Variants in LPCAT1 observed in about 807,000 individuals in gnomAD.
LPCAT1 encodes the protein 1-acylglycerol-3-phosphate O-acyltransferase.
LPCAT1 carries 23 observed loss-of-function variants against 60.9 expected under a neutral mutation model. The observed-to-expected ratio is 0.38, with a 90% CI of 0.27 to 0.53. The LOEUF is 0.53. Ranked by LOEUF, LPCAT1 falls within the 20% of genes least tolerant of loss-of-function variation. The pLI is 0.82. For missense variants in LPCAT1, 622 were observed against 723.6 expected (o/e 0.86, Z 1.61); for synonymous variants, 340 against 301.1 (o/e 1.13, Z -1.34).
rs1425944310 is a variant in LPCAT1, at chr5:1,523,588, G to C, written c.135+122C>G. The stretch of plus-strand genomic sequence containing the variant: ...CGGCCGCGGGGAGGGAAGGCGCCGC[G>C]GCTCGCAGGGCCGCGCCGCGCCCCA... On this transcript the variant is annotated intron_variant, in intron 1 of 13. Transcript: ENST00000283415. The surrounding 1 kb of genome is among the most constrained non-coding windows in gnomAD (Gnocchi z 7.1). 5 of 643,482 alleles carry C rather than the reference G, an allele frequency of 7.8e-6. No homozygotes were observed. Among genetic ancestry groups the C allele is most frequent in the African/African-American group, 2.0e-5 (1 of 50,122 alleles). The allele number at this position is 643,482 out of a possible 1,614,324, so 39.9% of individuals were successfully genotyped here.
intron 12 of LPCAT1, among the ~76,000 whole-genome samples, chr5:1,469,667 C>CT (rs1252477679): frequency 6.6e-6 from 1 of 152,170 alleles, no homozygotes. Context: ...ATCCCAGCTA[C>CT]TTGGGAGGCT....
At chr5:1,506,293 T>C (rs1343142030) in intron 1 of LPCAT1, among the ~76,000 whole-genome samples, 2 of 152,154 alleles carry the variant, frequency 1.3e-5, no homozygotes. Context: ...CTCACCCAGC[T>C]CTGGGCCTGT....
At chr5:1,479,780 G>A (rs1735060763) in intron 7 of LPCAT1, 105 bp from the exon 8 acceptor site, 9 of 863,382 alleles carry the variant, frequency 1.0e-5, no homozygotes, top group Middle Eastern at 2.2e-4. Context: ...TCCAGAGGGC[G>A]CTACTGGGCA....
chr5:1,467,062 C>A, intron 12 of LPCAT1, 172 bp from the exon 13 acceptor site: 1 of 586,636 alleles, frequency 1.7e-6, no homozygotes, highest in Non-Finnish European at 2.5e-6. Context: ...TGCAGCAGGG[C>A]CCTGTGCCTT....
At chr5:1,467,949 T>C (rs1345441918) in intron 12 of LPCAT1, among the ~76,000 whole-genome samples, 3 of 152,098 alleles carry the variant, frequency 2.0e-5, no homozygotes, top group Admixed American at 1.3e-4. Flanking sequence ...CCCCTTCTCC[T>C]GCTGCAGCGC....
At chr5:1,516,221 G>A (rs970147261) in intron 1 of LPCAT1, among the ~76,000 whole-genome samples, 4 of 152,228 alleles carry the variant, frequency 2.6e-5, no homozygotes, top group African/African-American at 9.6e-5. Flanking sequence ...CGTGGTCCTG[G>A]GGCCACTGAC....
At chr5:1,498,511 G>A (rs182028084) in intron 2 of LPCAT1, among the ~76,000 whole-genome samples, 240 of 152,066 alleles carry the variant, frequency 1.6e-3, no homozygotes, top group African/African-American at 5.2e-3. Context: ...CACAGACATC[G>A]CTCTCATATA....
Position 1,474,103 on chromosome 5 carries a change from G to C in LPCAT1, c.1033C>G (p.Pro345Ala). ...ARLVRGLGLK[P>A]EKLEKDLDRY... Reference sequence around the variant, plus strand: ...TCCAGATCTTTTTCAAGCTTTTCTGGTTTTAGCCTAGACAAAAAAAGAGGG... The same window carrying C: ...TCCAGATCTTTTTCAAGCTTTTCTGCTTTTAGCCTAGACAAAAAAAGAGGG... Residue 345 changes from proline to alanine, a missense_variant, in exon 11 of 14, where the codon CCA (proline) becomes GCA (alanine). This residue lies in a region of LPCAT1 where 288 missense variants were observed against 283.6 expected (regional missense o/e 1.02). Coordinates refer to ENST00000283415, the MANE Select transcript of LPCAT1 (RefSeq NM_024830.5). 6.2e-7 allele frequency: 1 copy of C among 1,609,284 alleles called. No individual in the cohort carries two copies. Among genetic ancestry groups the C allele is most frequent in the African/African-American group, 1.3e-5 (1 of 74,778 alleles).
rs553481741 is a variant in LPCAT1 at position 1,495,715 on chromosome 5, C to T, written c.279-801G>A. Among the ~76,000 whole-genome samples, 7 of 152,294 alleles carry T rather than the reference C, an allele frequency of 4.6e-5. No homozygotes were observed. Among genetic ancestry groups the T allele is most frequent in the African/African-American group, 1.2e-4 (5 of 41,546 alleles). ...CATGATTCAGCCTCATGAGAAGCCA[C>T]GGCTCACTCGGCCACTGGGTTAAGT... On this transcript the variant is annotated intron_variant, in intron 2 of 13. Coordinates refer to ENST00000283415, the MANE Select transcript of LPCAT1 (RefSeq NM_024830.5). This position sits in a 1 kb window ranked among gnomAD's most constrained non-coding sequence, Gnocchi z 4.7.
In LPCAT1 at chr5:1,469,907, G is replaced by A. The variant is rs188909859; in HGVS notation, c.1278+919C>T. ...AGGCTGCCCAGGCCTGGAGGAGGCA[G>A]GGAGGTCAGGCTTTCTTACACAGAG... On this transcript the variant is annotated intron_variant, in intron 12 of 13. Transcript: ENST00000283415. Among the ~76,000 whole-genome samples, 11 of 152,342 alleles carry A rather than the reference G, an allele frequency of 7.2e-5. No individual in the cohort carries two copies. In the East Asian group the frequency reaches 2.1e-3, roughly 29 times the overall value.
intron 2 of LPCAT1, 32 bp downstream of exon 2, chr5:1,501,429 C>A (rs763662511): frequency 1.3e-4 from 202 of 1,583,474 alleles, no homozygotes; most frequent in Non-Finnish European, 1.6e-4. Context: ...GACCCCCCCC[C>A]AGGAGGAGAG....
chr5:1,494,923 G>A lies in LPCAT1; in HGVS notation c.279-9C>T, dbSNP rs201521332. 124 of 1,593,340 alleles carry A rather than the reference G, an allele frequency of 7.8e-5. 1 individual carries two copies. In the East Asian group the frequency reaches 2.5e-3, roughly 33 times the overall value. ...GCAGGAAGTCCACAACCCTGCAAAAGAGGGCGCTGCGTCACGCGGGCACAC... is the reference window on the plus strand; with the variant it reads ...GCAGGAAGTCCACAACCCTGCAAAAAAGGGCGCTGCGTCACGCGGGCACAC... On this transcript the variant is annotated splice_polypyrimidine_tract_variant and intron_variant, in intron 2 of 13. Transcript: ENST00000283415.
In LPCAT1 at chr5:1,476,758, T is replaced by TG. The variant is rs1734935667; in HGVS notation, c.899+645dup. Reference sequence around the variant, plus strand: ...GAGGACCTGGTTGCAAGGACAAGTGTGGGGGGAATGGGACCTGAGGGATGG... The same window carrying TG: ...GAGGACCTGGTTGCAAGGACAAGTGTGGGGGGGAATGGGACCTGAGGGATGG... On this transcript the variant is annotated intron_variant, in intron 9 of 13. Coordinates refer to ENST00000283415, the MANE Select transcript of LPCAT1 (RefSeq NM_024830.5). The surrounding 1 kb of genome is among the most constrained non-coding windows in gnomAD (Gnocchi z 8.6). 1.6e-5 allele frequency among the ~76,000 whole-genome samples: 2 copies of TG among 127,068 alleles called. No individual in the cohort carries two copies. Among genetic ancestry groups the TG allele is most frequent in the Admixed American group, 7.9e-5 (1 of 12,692 alleles). 83.4% of individuals were successfully genotyped at this position (127,068 alleles called of 152,430 possible). A position where few individuals can be genotyped will look rare whatever the true frequency, so the allele number is the denominator to read the frequency against.
chr5:1,467,772 C>T (rs1473634862), intron 12 of LPCAT1, among the ~76,000 whole-genome samples: 49 of 152,304 alleles, frequency 3.2e-4, no homozygotes, highest in Non-Finnish European at 7.4e-5. Context: ...CCGACGCCGC[C>T]CGTGTCCTTC....
chr5:1,463,596 C>A lies in LPCAT1; in HGVS notation c.*55G>T. 1 of 1,587,998 alleles carries A rather than the reference C, an allele frequency of 6.3e-7. No individual in the cohort carries two copies. Among genetic ancestry groups the A allele is most frequent in the Non-Finnish European group, 8.6e-7 (1 of 1,163,542 alleles). On this transcript the variant is annotated 3_prime_UTR_variant, in exon 14 of 14. Coordinates refer to ENST00000283415, the MANE Select transcript of LPCAT1 (RefSeq NM_024830.5). ...AGCCCAGAGGTCACTCGCAAAGAGG[C>A]TCATGGCGGTGATGTCCACGCGGGA...
chr5:1,518,856 C>T (rs916319967), intron 1 of LPCAT1, among the ~76,000 whole-genome samples: 7 of 152,222 alleles, frequency 4.6e-5, no homozygotes, highest in Admixed American at 6.5e-5. Context: ...TCCGGAGCCA[C>T]GACCACAGGC....
rs1257145846 is a variant in LPCAT1 at position 1,476,156 on chromosome 5, G to A, written c.899+1248C>T. On this transcript the variant is annotated intron_variant, in intron 9 of 13. Coordinates refer to ENST00000283415, the MANE Select transcript of LPCAT1 (RefSeq NM_024830.5). The surrounding 1 kb of genome is among the most constrained non-coding windows in gnomAD (Gnocchi z 8.6). The stretch of plus-strand genomic sequence containing the variant: ...TGAGGCCCACAGGCGATCTCTCCTT[G>A]AGCGCTGTAAAATCTGTTCTCTTCC... Among the ~76,000 whole-genome samples, 2 of 152,218 alleles carry A rather than the reference G, an allele frequency of 1.3e-5. No homozygotes were observed. The highest frequency in any genetic ancestry group is 4.8e-5 in the African/African-American group (2 of 41,462).
chr5:1,514,754 G>A (rs916493401), intron 1 of LPCAT1, among the ~76,000 whole-genome samples: 1 of 152,170 alleles, frequency 6.6e-6, no homozygotes, highest in Admixed American at 6.5e-5. Flanking sequence ...GCAGGCTCCT[G>A]GGATCATTCC....
In LPCAT1 at chr5:1,463,464, G is replaced by A. The variant is rs1734190629; in HGVS notation, c.*187C>T. The A allele has an allele frequency of 3.1e-6, 2 of 653,144 alleles. No individual in the cohort carries two copies. The highest frequency in any genetic ancestry group is 5.1e-6 in the Non-Finnish European group (2 of 391,576). 40.5% of individuals were successfully genotyped at this position (653,144 alleles called of 1,614,324 possible). ...GCGCCCTCCGATTCTCGCACAGTAAGCGTCGGTTCTGCAACACACTTCACA... is the reference window on the plus strand; with the variant it reads ...GCGCCCTCCGATTCTCGCACAGTAAACGTCGGTTCTGCAACACACTTCACA... On this transcript the variant is annotated 3_prime_UTR_variant, in exon 14 of 14. Transcript: ENST00000283415.
Sources: gnomAD v4.1 joint callset for allele counts (sites outside exome capture counted in the v4.1 genomes callset) on GRCh38, gnomAD v4.1.1 for gene constraint, gnomAD v4.1.1 regional missense constraint, Gnocchi (gnomAD v3.1) non-coding constraint, MANE v1.5 for transcripts, NCBI Gene and HGNC (gene_info 2026-07-23, HGNC 2026-07-21) for gene names.